UGT3A1: variants seen among roughly 807,000 people sequenced by gnomAD.
The protein encoded by UGT3A1 is UDP glycosyltransferase family 3 member A1.
In UGT3A1, 40 loss-of-function variants were observed where a neutral mutation model predicts 37.6. The observed-to-expected ratio is 1.06, with a 90% CI of 0.83 to 1.38. The LOEUF (loss-of-function observed/expected upper bound fraction) is 1.38. Among genes scored for constraint, UGT3A1 ranks in the 40% most tolerant of loss-of-function variants. UGT3A1 has a pLI of 0.00. For synonymous variants in UGT3A1, 256 were observed against 232.3 expected, an observed-to-expected ratio of 1.10 and a Z score of -0.93; for missense variants, 642 against 634.2, an observed-to-expected ratio of 1.01 and a Z score of -0.13.
chr5:35,959,391 T>G (rs930550175), intron 4 of UGT3A1, among the ~76,000 whole-genome samples: 2 of 152,166 alleles, frequency 1.3e-5, no homozygotes, highest in African/African-American at 4.8e-5. Context: ...ACACAAATAT[T>G]TTTAAAGAAA....
chr5:35,955,150 C>A, intron 6 of UGT3A1: 2 of 178,884 alleles, frequency 1.1e-5, no homozygotes, highest in Non-Finnish European at 2.4e-5. Context: ...TATGATTAGG[C>A]TGAGTGGGAG....
At chr5:35,981,939 C>G (rs1740539698) in intron 2 of UGT3A1, among the ~76,000 whole-genome samples, 1 of 152,236 alleles carries the variant, frequency 6.6e-6, no homozygotes, top group African/African-American at 2.4e-5. Context: ...CATGGCACCC[C>G]TAGCTGTTCC....
chr5:35,957,351 C>T lies in UGT3A1; in HGVS notation c.912G>A (p.Leu304=). 6.2e-7 allele frequency: 1 copy of T among 1,614,110 alleles called. No individual in the cohort carries two copies. The highest frequency in any genetic ancestry group is 8.5e-7 in the Non-Finnish European group (1 of 1,180,010). Residue 304 remains leucine, a synonymous_variant, in exon 5 of 7, where the codon TTG becomes TTA. Transcript: ENST00000274278. ...GFVLVAFGSM[L]NTHQSQEVLK... ...GGACTTCCTGGGACTGATGGGTGTT[C>T]AACATGGAGCCAAAGGCCACAAGGA...
At chr5:35,964,405 C>T (rs994150273) in intron 4 of UGT3A1, among the ~76,000 whole-genome samples, 1 of 152,102 alleles carries the variant, frequency 6.6e-6, no homozygotes, top group African/African-American at 2.4e-5. Flanking sequence ...GTCCCCCGCT[C>T]CCTGACCTGG....
chr5:35,984,851 T>C (rs1310595775), intron 2 of UGT3A1, among the ~76,000 whole-genome samples: 1 of 152,110 alleles, frequency 6.6e-6, no homozygotes, highest in Non-Finnish European at 1.5e-5. Context: ...GCGTAGGCAC[T>C]CAATAAATGT....
rs375567618 is a variant in UGT3A1, at chr5:35,991,225, C to T, written c.16G>A (p.Val6Met). 5 of 1,614,118 alleles carry T rather than the reference C, an allele frequency of 3.1e-6. No homozygotes were observed. The African/African-American group carries it at 5.3e-5, about 17-fold the overall frequency. Residue 6 changes from valine (V) to methionine (M), a missense_variant, in exon 1 of 7, where the codon GTG becomes ATG. Val to Met is a conservative substitution (Grantham distance 21). Transcript: ENST00000274278. The stretch of plus-strand genomic sequence containing the variant: ...AGAAGGAAGGCCACTAGAAGCAGCA[C>T]CCGCTGCCCAACCATGCTCACTTCC... MVGQR[V>M]LLLVAFLLSG...
At chr5:35,985,680 G>A (rs1249582005) in intron 2 of UGT3A1, among the ~76,000 whole-genome samples, 1 of 152,148 alleles carries the variant, frequency 6.6e-6, no homozygotes, top group Non-Finnish European at 1.5e-5. Flanking sequence ...CCAAGCCACT[G>A]TCTCTCACCA....
chr5:35,975,106 A>C (rs1334628338), intron 2 of UGT3A1, among the ~76,000 whole-genome samples: 1 of 152,210 alleles, frequency 6.6e-6, no homozygotes, highest in African/African-American at 2.4e-5. Flanking sequence ...TCAAGTGGAG[A>C]AGTTGGCCTG....
At chr5:35,979,778 T>C (rs1010884975) in intron 2 of UGT3A1, among the ~76,000 whole-genome samples, 2 of 152,304 alleles carry the variant, frequency 1.3e-5, no homozygotes, top group South Asian at 2.1e-4. Flanking sequence ...AAGACATACC[T>C]GAGACTGGGT....
At chr5:35,991,649 C>A (rs1740956132), upstream of UGT3A1, 1 of 999,194 alleles carries the variant, frequency 1.0e-6, no homozygotes, top group African/African-American at 1.7e-5. Context: ...GCTGTCTGAA[C>A]TTATGTTACT....
chr5:35,973,084 G>A (rs1176473038), intron 2 of UGT3A1, among the ~76,000 whole-genome samples: 2 of 152,082 alleles, frequency 1.3e-5, no homozygotes, highest in Non-Finnish European at 2.9e-5. Context: ...ATGAATCTGG[G>A]GCTATTGAAC....
chr5:35,965,878 A>T lies in UGT3A1; in HGVS notation c.351T>A (p.Phe117Leu), dbSNP rs1739790906. 2.5e-6 allele frequency: 4 copies of T among 1,588,192 alleles called. No homozygotes were observed. The highest frequency in any genetic ancestry group is 2.6e-6 in the Non-Finnish European group (3 of 1,169,738). ...SEALVKLMEI[F>L]GTQCSYLLSR... ...TTAGCAAATAACTACATTGAGTCCC[A>T]AATATTTCCATTAGCTTTACAAGGG... The change falls in exon 4 of 7, where the codon TTT becomes TTA. Residue 117 changes from phenylalanine to leucine, a missense_variant. Coordinates refer to ENST00000274278, the MANE Select transcript of UGT3A1 (RefSeq NM_152404.4).
intron 1 of UGT3A1, 56 bp downstream of exon 1, chr5:35,991,091 G>C: frequency 6.2e-7 from 1 of 1,614,078 alleles, no homozygotes; most frequent in Non-Finnish European, 8.5e-7. Flanking sequence ...CTGGAGCCCT[G>C]GCAGTGCGGG....
chr5:35,998,235 C>G (rs1741140755), intron 1 of UGT3A1, among the ~76,000 whole-genome samples: 1 of 152,184 alleles, frequency 6.6e-6, no homozygotes, highest in South Asian at 2.1e-4. Context: ...ATTGTGGGTA[C>G]TGCATTTGGA....
intron 4 of UGT3A1, among the ~76,000 whole-genome samples, chr5:35,959,536 G>C (rs1308771156): frequency 6.6e-6 from 1 of 152,002 alleles, no homozygotes; most frequent in East Asian, 1.9e-4. Flanking sequence ...AATTTTTGGA[G>C]CTCAAATATG....
At chr5:35,978,527 T>A (rs1351044025) in intron 2 of UGT3A1, among the ~76,000 whole-genome samples, 1 of 151,784 alleles carries the variant, frequency 6.6e-6, no homozygotes, top group Non-Finnish European at 1.5e-5. Context: ...CACAAGTTTT[T>A]ACAAAACCAT....
At chr5:35,964,097 TTA>T (rs869065519) in intron 4 of UGT3A1, among the ~76,000 whole-genome samples, 2 of 31,664 alleles carry the variant, frequency 6.3e-5, no homozygotes, top group African/African-American at 1.2e-4. Flanking sequence ...TTAAAAATGG[TTA>T]AAGTGGTATA....
Position 35,965,489 on chromosome 5 carries a change from C to T in UGT3A1, c.740G>A (p.Trp247Ter), listed in dbSNP as rs1739762688. The T allele has an allele frequency of 6.2e-7, 1 of 1,614,170 alleles. No homozygotes were observed. Among genetic ancestry groups the T allele is most frequent in the Non-Finnish European group, 8.5e-7 (1 of 1,180,016 alleles). Residue 247 changes from tryptophan (W) to a stop codon, truncating the protein, a stop_gained, in exon 4 of 7, where the codon TGG becomes TAG. Transcript: ENST00000274278. LOFTEE classifies it high-confidence loss of function. ...LSHLLLKAEL[W>*]FVNSDFAFDF... ...AAAGGCAAAATCAGAGTTAACAAAC[C>T]ACAACTCTGCTTTCAGTAGAAGATG...
chr5:35,975,093 T>C (rs987005233), intron 2 of UGT3A1, among the ~76,000 whole-genome samples: 1 of 152,228 alleles, frequency 6.6e-6, no homozygotes, highest in Non-Finnish European at 1.5e-5. Context: ...AGAACTTTAA[T>C]AATCAAGTGG....
Sources: gnomAD v4.1 joint callset for allele counts (sites outside exome capture counted in the v4.1 genomes callset) on GRCh38, gnomAD v4.1.1 for gene constraint, MANE v1.5 for transcripts, NCBI Gene and HGNC (gene_info 2026-07-23, HGNC 2026-07-21) for gene names.